Variants in MIPEP observed in about 807,000 individuals in gnomAD.
MIPEP encodes the protein mitochondrial intermediate peptidase.
In MIPEP, 79 loss-of-function variants were observed where a neutral mutation model predicts 90.3. The observed-to-expected ratio is 0.87, with a 90% CI of 0.73 to 1.05. The LOEUF (loss-of-function observed/expected upper bound fraction) is 1.05, where lower values mean the gene tolerates loss of function less well. Ranked by LOEUF, MIPEP falls within the 50% of genes least tolerant of loss-of-function variation. The pLI is 0.00. For synonymous variants in MIPEP, 334 were observed against 315.8 expected, an observed-to-expected ratio of 1.06 and a Z score of -0.61; for missense variants, 940 against 905.6, an observed-to-expected ratio of 1.04 and a Z score of -0.49.
At chr13:23,857,069 T>C (rs1330085322) in intron 10 of MIPEP, among the ~76,000 whole-genome samples, 1 of 152,044 alleles carries the variant, frequency 6.6e-6, no homozygotes, top group African/African-American at 2.4e-5. Context: ...TACATAAACA[T>C]GGAAAGTACA....
At chr13:23,872,778 A>G (rs1447272450) in intron 5 of MIPEP, among the ~76,000 whole-genome samples, 1 of 152,166 alleles carries the variant, frequency 6.6e-6, no homozygotes, top group Non-Finnish European at 1.5e-5. Context: ...GAAACTGAAC[A>G]TATACTATTT....
At chr13:23,808,223 C>T (rs932871119) in intron 15 of MIPEP, among the ~76,000 whole-genome samples, 2 of 151,916 alleles carry the variant, frequency 1.3e-5, no homozygotes, top group Non-Finnish European at 2.9e-5. Flanking sequence ...CTCAGCCTCC[C>T]GAGTAGCTGG....
intron 3 of MIPEP, among the ~76,000 whole-genome samples, chr13:23,879,562 G>A (rs1871200264): frequency 6.6e-6 from 1 of 151,570 alleles, no homozygotes; most frequent in South Asian, 2.1e-4. Flanking sequence ...GTCTCACTCT[G>A]TCACCCAGCA....
At chr13:23,806,406 G>T (rs191816095) in intron 15 of MIPEP, among the ~76,000 whole-genome samples, 1 of 152,142 alleles carries the variant, frequency 6.6e-6, no homozygotes, top group African/African-American at 2.4e-5. Flanking sequence ...GGCCAGGCGC[G>T]GTGGCTCACG....
At chr13:23,795,626 T>A (rs1370336350) in intron 16 of MIPEP, among the ~76,000 whole-genome samples, 1 of 152,212 alleles carries the variant, frequency 6.6e-6, no homozygotes, top group Non-Finnish European at 1.5e-5. Context: ...ATTATATACT[T>A]GATGCTACAT....
rs568068059 is a variant in MIPEP, at chr13:23,783,065, C to T, written c.1849-22848G>A. Among the ~76,000 whole-genome samples the T allele has an allele frequency of 2.9e-3, 447 of 152,268 alleles. 2 individuals are homozygous for T. The highest frequency in any genetic ancestry group is 0.01 in the African/African-American group (436 of 41,550). Reference sequence around the variant, plus strand: ...GGTACCATTCCTTCTGAAACTATTCCAATCAATAGAAAAAGAGGGAATCCT... The same window carrying T: ...GGTACCATTCCTTCTGAAACTATTCTAATCAATAGAAAAAGAGGGAATCCT... On this transcript the variant is annotated intron_variant, in intron 16 of 18. Transcript: ENST00000382172.
intron 16 of MIPEP, among the ~76,000 whole-genome samples, chr13:23,762,501 G>A (rs1952557797): frequency 6.6e-6 from 1 of 152,176 alleles, no homozygotes; most frequent in Non-Finnish European, 1.5e-5. Flanking sequence ...CAGGAGCACT[G>A]CAATCAATTT....
chr13:23,763,354 T>C (rs1369552969), intron 16 of MIPEP, among the ~76,000 whole-genome samples: 2 of 152,236 alleles, frequency 1.3e-5, no homozygotes, highest in African/African-American at 4.8e-5. Context: ...GTACTACTGA[T>C]GATAAGCGTC....
intron 2 of MIPEP, among the ~76,000 whole-genome samples, chr13:23,885,552 G>A (rs749193627): frequency 6.6e-6 from 1 of 151,558 alleles, no homozygotes; most frequent in Non-Finnish European, 1.5e-5. Flanking sequence ...AACATCTCAT[G>A]TACCTCATGA....
chr13:23,773,577 A>G (rs1375084237), intron 16 of MIPEP, among the ~76,000 whole-genome samples: 2 of 152,094 alleles, frequency 1.3e-5, no homozygotes, highest in African/African-American at 4.8e-5. Flanking sequence ...TTACATTCTC[A>G]CCAGCAACGT....
At chr13:23,826,924 C>G (rs1303671909) in intron 14 of MIPEP, among the ~76,000 whole-genome samples, 6 of 152,204 alleles carry the variant, frequency 3.9e-5, no homozygotes, top group African/African-American at 1.4e-4. Context: ...AAAACTGCAT[C>G]TGTATCGAAC....
intron 18 of MIPEP, among the ~76,000 whole-genome samples, chr13:23,738,801 C>T (rs1952292542): frequency 6.6e-6 from 1 of 152,174 alleles, no homozygotes; most frequent in Non-Finnish European, 1.5e-5. Context: ...AGTGGACTGA[C>T]ATCACTGGTG....
At chr13:23,758,544 C>T (rs1396535000) in intron 17 of MIPEP, among the ~76,000 whole-genome samples, 1 of 152,052 alleles carries the variant, frequency 6.6e-6, no homozygotes, top group Non-Finnish European at 1.5e-5. Flanking sequence ...GCCTATTTTA[C>T]AGAAATCTAC....
intron 14 of MIPEP, among the ~76,000 whole-genome samples, chr13:23,833,546 T>C (rs905381350): frequency 3.3e-5 from 5 of 152,212 alleles, no homozygotes; most frequent in African/African-American, 9.7e-5. Flanking sequence ...AGTTCAACAA[T>C]ACATCTTCTT....
intron 18 of MIPEP, among the ~76,000 whole-genome samples, chr13:23,756,001 A>T (rs1268141440): frequency 1.3e-5 from 2 of 152,202 alleles, no homozygotes; most frequent in Admixed American, 6.5e-5. Context: ...AAATTTTTCT[A>T]TTAGAGTATA....
At chr13:23,833,997 G>A (rs972447534) in intron 14 of MIPEP, among the ~76,000 whole-genome samples, 1 of 152,114 alleles carries the variant, frequency 6.6e-6, no homozygotes, top group African/African-American at 2.4e-5. Context: ...ACCCTCGGAA[G>A]CAGGATGCCC....
chr13:23,772,996 C>G (rs1317493834), intron 16 of MIPEP, among the ~76,000 whole-genome samples: 2 of 152,204 alleles, frequency 1.3e-5, no homozygotes. Flanking sequence ...ACATCACACA[C>G]CATATAATTC....
Position 23,860,116 on chromosome 13 carries a change from G to A in MIPEP, c.1054-1204C>T, listed in dbSNP as rs73442186. Among the ~76,000 whole-genome samples the A allele has an allele frequency of 1.8e-3, 273 of 152,332 alleles. 1 individual carries two copies. The highest frequency in any genetic ancestry group is 6.4e-3 in the African/African-American group (265 of 41,568). On this transcript the variant is annotated intron_variant, in intron 9 of 18. Coordinates refer to ENST00000382172, the MANE Select transcript of MIPEP (RefSeq NM_005932.4). The stretch of plus-strand genomic sequence containing the variant: ...AGGATGATAGCCTAGGCAGTAGAAG[G>A]GCAAGTGACTCAACAATCAGAGGAC...
In MIPEP at chr13:23,889,336, G is replaced by A; in HGVS notation, c.-16C>T. 1 of 1,313,376 alleles carries A rather than the reference G, an allele frequency of 7.6e-7. No homozygotes were observed. Among genetic ancestry groups the A allele is most frequent in the South Asian group, 2.1e-5 (1 of 46,924 alleles). 81.4% of individuals were successfully genotyped at this position (1,313,376 alleles called of 1,614,324 possible). ...CGCACAGCATTCTAGCACCAGAGCA[G>A]TCCCTTCCTCCAACGCAGATCCCTG... On this transcript the variant is annotated 5_prime_UTR_variant, in exon 1 of 19. Coordinates refer to ENST00000382172, the MANE Select transcript of MIPEP (RefSeq NM_005932.4).
Sources: gnomAD v4.1 joint callset for allele counts (sites outside exome capture counted in the v4.1 genomes callset) on GRCh38, gnomAD v4.1.1 for gene constraint, MANE v1.5 for transcripts, NCBI Gene and HGNC (gene_info 2026-07-23, HGNC 2026-07-21) for gene names.